Variants in FREM1 observed in about 807,000 individuals in gnomAD.
FREM1 encodes the protein FRAS1 related extracellular matrix 1.
A neutral mutation model predicts 210.1 loss-of-function variants in FREM1; 220 were observed. The ratio of observed to expected loss-of-function variants is 1.05; its 90% CI spans 0.94 to 1.17. FREM1 has a LOEUF of 1.17. Ranked by LOEUF, FREM1 falls within the 50% of genes most tolerant of loss-of-function variation. The pLI, the probability that FREM1 is intolerant of heterozygous loss-of-function variation, is 0.00. For missense variants in FREM1, 3,454 were observed against 2,675.5 expected (o/e 1.29, Z -6.42); for synonymous variants, 1,189 against 980.2 (o/e 1.21, Z -3.98).
At position 14,824,175 on chromosome 9, in the gene FREM1, A is replaced by G. The variant is rs939328239; in HGVS notation, c.2079-60T>C. On this transcript the variant is annotated intron_variant, in intron 11 of 36. Transcript: ENST00000380880. ...TTTTAGGTAAGAAAAATGAAATCGA[A>G]TAGCCCACAATCAAAAACTGAAAGA... The G allele has an allele frequency of 6.8e-6, 7 of 1,024,234 alleles. No individual in the cohort carries two copies. In the Admixed American group the frequency reaches 1.2e-4, roughly 18 times the overall value. 63.4% of individuals were successfully genotyped at this position (1,024,234 alleles called of 1,614,324 possible).
At chr9:14,899,182 C>T (rs1221870303) in intron 1 of FREM1, among the ~76,000 whole-genome samples, 2 of 152,152 alleles carry the variant, frequency 1.3e-5, no homozygotes, top group East Asian at 3.9e-4. Flanking sequence ...TGGGGATCTC[C>T]TGACCCACAG....
intron 16 of FREM1, 110 bp downstream of exon 16, chr9:14,812,702 T>C (rs1243506690): frequency 6.9e-6 from 8 of 1,157,040 alleles, no homozygotes; most frequent in Non-Finnish European, 9.6e-6. Context: ...CTGCTTCTTG[T>C]TTTTAATGGA....
At chr9:14,862,273 T>C (rs1386710486) in intron 3 of FREM1, among the ~76,000 whole-genome samples, 1 of 152,244 alleles carries the variant, frequency 6.6e-6, no homozygotes, top group Non-Finnish European at 1.5e-5. Context: ...TAGGTGGTCA[T>C]AAATGTTTGT....
intron 26 of FREM1, among the ~76,000 whole-genome samples, chr9:14,770,084 T>TA (rs1243435644): frequency 1.3e-5 from 2 of 151,944 alleles, no homozygotes; most frequent in East Asian, 1.9e-4. Context: ...ATATTTGCCT[T>TA]AAAAAAATGA....
chr9:14,856,503 T>C (rs999993902), intron 5 of FREM1, among the ~76,000 whole-genome samples: 57 of 152,166 alleles, frequency 3.7e-4, no homozygotes, highest in African/African-American at 1.4e-3. Context: ...GAAATCCCAG[T>C]GAGAAGCCAG....
chr9:14,840,906 G>C (rs1018856114), intron 10 of FREM1, among the ~76,000 whole-genome samples: 2 of 152,160 alleles, frequency 1.3e-5, no homozygotes, highest in Non-Finnish European at 2.9e-5. Context: ...GAGACTCTTA[G>C]ATCTTTAAAG....
At chr9:14,910,954 T>A (rs1043023613), upstream of FREM1, 2 of 152,246 alleles carry the variant, frequency 1.3e-5, no homozygotes, top group African/African-American at 4.8e-5. Context: ...GTGCTGTTTT[T>A]AAGTACCACC....
At chr9:14,884,556 G>A (rs1042210136) in intron 1 of FREM1, among the ~76,000 whole-genome samples, 2 of 152,180 alleles carry the variant, frequency 1.3e-5, no homozygotes, top group African/African-American at 4.8e-5. Context: ...TTTTTGAACA[G>A]AAGAAAATAA....
At chr9:14,792,303 C>CACACAG (rs369927789) in intron 22 of FREM1, among the ~76,000 whole-genome samples, 30,191 of 136,882 alleles carry the variant, frequency 0.22, 3,584 homozygotes, top group Middle Eastern at 0.36. Context: ...CACACACACA[C>CACACAG]AGAGAGAGAG....
chr9:14,803,028 TTC>T (rs1234607956), intron 19 of FREM1, among the ~76,000 whole-genome samples: 1 of 145,276 alleles, frequency 6.9e-6, no homozygotes, highest in Non-Finnish European at 1.5e-5. Flanking sequence ...TCTTTCTTCT[TTC>T]TCTTTCTTTT....
intron 10 of FREM1, among the ~76,000 whole-genome samples, chr9:14,834,137 T>A (rs528386617): frequency 6.6e-6 from 1 of 152,322 alleles, no homozygotes; most frequent in East Asian, 1.9e-4. Context: ...CTGTAAGAGA[T>A]GGCTAATAGT....
At chr9:14,797,053 T>C (rs1321386289) in intron 21 of FREM1, among the ~76,000 whole-genome samples, 1 of 152,192 alleles carries the variant, frequency 6.6e-6, no homozygotes, top group Non-Finnish European at 1.5e-5. Context: ...AGAAGTGGGT[T>C]GATTTATTTC....
In FREM1 at chr9:14,837,118, G is replaced by A. The variant is rs562319037; in HGVS notation, c.1881+4329C>T. On this transcript the variant is annotated intron_variant, in intron 10 of 36. Transcript: ENST00000380880. ...CCCATATGCTCCTGGCAACATGGCC[G>A]CCCCCACATATCCCCACATGTGTAG... is the stretch of plus-strand genomic sequence containing the variant. 3.6e-4 allele frequency among the ~76,000 whole-genome samples: 55 copies of A among 152,194 alleles called. 1 individual carries two copies. The highest frequency in any genetic ancestry group is 1.1e-3 in the African/African-American group (46 of 41,514).
intron 1 of FREM1, among the ~76,000 whole-genome samples, chr9:14,895,198 T>C (rs111542375): frequency 2.7e-3 from 404 of 152,302 alleles, no homozygotes; most frequent in African/African-American, 9.3e-3. Context: ...TTAAAGTCAA[T>C]TTTAAAAGCC....
rs548175027 is a variant in FREM1 at position 14,881,209 on chromosome 9, T to C, written c.-267-11965A>G. On this transcript the variant is annotated intron_variant, in intron 1 of 36. Coordinates refer to ENST00000380880, the MANE Select transcript of FREM1 (RefSeq NM_001379081.2). Reference sequence around the variant, plus strand: ...GAAACCCCACGGATATCTTGTATTATGCAAAGGCACATAAAACGAAGACTT... The same window carrying C: ...GAAACCCCACGGATATCTTGTATTACGCAAAGGCACATAAAACGAAGACTT... Among the ~76,000 whole-genome samples the C allele has an allele frequency of 5.3e-5, 8 of 152,340 alleles. No homozygotes were observed. In the East Asian group the frequency reaches 1.4e-3, roughly 26 times the overall value.
At chr9:14,871,472 C>A (rs180907782) in intron 1 of FREM1, among the ~76,000 whole-genome samples, 75,522 of 151,250 alleles carry the variant, frequency 0.5, 20,131 homozygotes, top group East Asian at 0.71. Context: ...AGTGTCTGTT[C>A]ATATCCTTCG....
At chr9:14,746,800 G>C (rs1484485123) in intron 34 of FREM1, 123 bp downstream of exon 34, 2 of 1,224,672 alleles carry the variant, frequency 1.6e-6, no homozygotes, top group Non-Finnish European at 2.2e-6. Flanking sequence ...TGGCCTTCAA[G>C]TTGTTAACAA....
At chr9:14,910,945 T>C (rs139022146), upstream of FREM1, 1 of 152,168 alleles carries the variant, frequency 6.6e-6, no homozygotes, top group African/African-American at 2.4e-5. Flanking sequence ...GATCCTAAGG[T>C]GCTGTTTTTA....
Position 14,819,429 on chromosome 9 carries a change from G to GGGTT in FREM1, c.2347_2350dup (p.Pro784GlnfsTer7). 1 of 1,611,136 alleles carries GGGTT rather than the reference G, an allele frequency of 6.2e-7. No homozygotes were observed. Among genetic ancestry groups the GGGTT allele is most frequent in the Non-Finnish European group, 8.5e-7 (1 of 1,177,750 alleles). On this transcript the variant is annotated frameshift_variant, in exon 14 of 37. Transcript: ENST00000380880. LOFTEE classifies it high-confidence loss of function. ...TTGACCTCCCTCAGTCACTTTCAGA[G>GGGTT]GGTTGGTGAACGCCTAGAAAGAAGA... is the stretch of plus-strand genomic sequence containing the variant.
Sources: allele counts gnomAD v4.1 joint callset (sites outside exome capture counted in the v4.1 genomes callset), GRCh38; gene constraint gnomAD v4.1.1; transcripts MANE v1.5; gene names NCBI Gene and HGNC (gene_info 2026-07-23, HGNC 2026-07-21).